The following ADAP1 variants were observed in gnomAD, a reference collection of about 807,000 sequenced individuals.
ADAP1 encodes arf-GAP with dual PH domain-containing protein 1.
In ADAP1, 31 loss-of-function variants were observed where a neutral mutation model predicts 54.9. That is an observed-to-expected ratio of 0.56 (90% CI 0.42 to 0.76). The LOEUF is 0.76. ADAP1 is among the 30% of genes least tolerant of loss of function. The pLI, the probability that ADAP1 is intolerant of heterozygous loss-of-function variation, is 0.00. For synonymous variants in ADAP1, 313 were observed against 202.6 expected (o/e 1.55, Z -4.63); for missense variants, 535 against 512.4 (o/e 1.04, Z -0.42).
intron 4 of ADAP1, among the ~76,000 whole-genome samples, chr7:912,203 G>A (rs1056403975): frequency 2.0e-5 from 3 of 152,192 alleles, no homozygotes; most frequent in Non-Finnish European, 2.9e-5. Context: ...CAGAAGCTCC[G>A]ACAGGAGCAC....
At chr7:901,156 T>C (rs909633221) in intron 6 of ADAP1, 8 of 399,420 alleles carry the variant, frequency 2.0e-5, no homozygotes, top group African/African-American at 1.5e-4. Flanking sequence ...CTGGAGAGCG[T>C]GGGGTGGGCC....
chr7:926,378 G>A lies in ADAP1; in HGVS notation c.305+175C>T, dbSNP rs764110620. ...GCCCCCCGCCCCAGAACCAAAGCCC[G>A]GTGGTGGCCAGCAGACACAGGCGGC... is the stretch of plus-strand genomic sequence containing the variant. On this transcript the variant is annotated intron_variant, in intron 3 of 10. Coordinates refer to ENST00000265846, the MANE Select transcript of ADAP1 (RefSeq NM_006869.4). The surrounding 1 kb of genome is among the most constrained non-coding windows in gnomAD (Gnocchi z 4.6). Among the ~76,000 whole-genome samples the A allele has an allele frequency of 2.1e-3, 168 of 79,696 alleles. No homozygotes were observed. Among genetic ancestry groups the A allele is most frequent in the East Asian group, 4.5e-3 (11 of 2,458 alleles). The allele number at this position is 79,696 out of a possible 152,430, so 52.3% of individuals were successfully genotyped here.
intron 2 of ADAP1, among the ~76,000 whole-genome samples, chr7:931,140 C>T (rs999186503): frequency 8.7e-5 from 13 of 149,700 alleles, no homozygotes; most frequent in African/African-American, 3.2e-4. Context: ...GAAAGGAAGA[C>T]AGGAGGGAAG....
At chr7:910,689 C>G (rs1845687288) in intron 4 of ADAP1, among the ~76,000 whole-genome samples, 1 of 152,242 alleles carries the variant, frequency 6.6e-6, no homozygotes, top group Admixed American at 6.5e-5. Flanking sequence ...CGTGGCCCTG[C>G]TCTGAGTGAC....
chr7:926,534 A>G lies in ADAP1; in HGVS notation c.305+19T>C. On this transcript the variant is annotated intron_variant, in intron 3 of 10. Coordinates refer to ENST00000265846, the MANE Select transcript of ADAP1 (RefSeq NM_006869.4). This position sits in a 1 kb window ranked among gnomAD's most constrained non-coding sequence, Gnocchi z 4.6. ...CCCAGCACTTGACCATGGCCCTGAC[A>G]AGGCCCCTTTGTACTCACTGGCAGT... The G allele has an allele frequency of 6.6e-7, 1 of 1,517,764 alleles. No homozygotes were observed. Among genetic ancestry groups the G allele is most frequent in the South Asian group, 1.2e-5 (1 of 80,996 alleles). The allele number at this position is 1,517,764 out of a possible 1,614,324, so 94.0% of individuals were successfully genotyped here.
rs1185098897 is a variant in ADAP1 at position 900,619 on chromosome 7, A to AGGGGCAAAGG, written c.649-13_649-4dup. Reference sequence around the variant, plus strand: ...GCATTGAACCAGTCCACAATCTCCTAGGGGCAAAGGTGGGCACAGGCTTGG... The same window carrying AGGGGCAAAGG: ...GCATTGAACCAGTCCACAATCTCCTAGGGGCAAAGGGGGGCAAAGGTGGGCACAGGCTTGG... On this transcript the variant is annotated splice_polypyrimidine_tract_variant and splice_region_variant and intron_variant, in intron 6 of 10. Transcript: ENST00000265846. 6.9e-7 allele frequency: 1 copy of AGGGGCAAAGG among 1,458,562 alleles called. No homozygotes were observed. The highest frequency in any genetic ancestry group is 9.2e-7 in the Non-Finnish European group (1 of 1,087,182). The allele number at this position is 1,458,562 out of a possible 1,614,324, so 90.4% of individuals were successfully genotyped here. A position where few individuals can be genotyped will look rare whatever the true frequency, so the allele number is the denominator to read the frequency against.
rs1845254281 is a variant in ADAP1 at position 905,914 on chromosome 7, A to AG, written c.389-743dup. 2.3e-3 allele frequency among the ~76,000 whole-genome samples: 8 copies of AG among 3,438 alleles called. 1 individual carries two copies. Among genetic ancestry groups the AG allele is most frequent in the Non-Finnish European group, 0.01 (7 of 674 alleles). The allele number at this position is 3,438 out of a possible 152,430, so 2.3% of individuals were successfully genotyped here. On this transcript the variant is annotated intron_variant, in intron 4 of 10. Coordinates refer to ENST00000265846, the MANE Select transcript of ADAP1 (RefSeq NM_006869.4). ...GAGAAAGGAGAAAGGAGAAAGGGAA[A>AG]GGAGAAAGGGAGAAAGGAGAAAGGG...
At chr7:922,030 A>C (rs1487916929) in intron 3 of ADAP1, among the ~76,000 whole-genome samples, 2 of 152,178 alleles carry the variant, frequency 1.3e-5, no homozygotes, top group East Asian at 3.9e-4. Context: ...GGGAGTGAGC[A>C]CCAGGAAGTC....
At chr7:930,934 A>T (rs1376355740) in intron 2 of ADAP1, among the ~76,000 whole-genome samples, 2 of 148,308 alleles carry the variant, frequency 1.3e-5, no homozygotes, top group African/African-American at 5.0e-5. Flanking sequence ...GAGCTATGAT[A>T]GTGCCACTGC....
Position 938,644 on chromosome 7 carries a change from A to G in ADAP1, c.83-3139T>C, listed in dbSNP as rs1846850854. Among the ~76,000 whole-genome samples the G allele has an allele frequency of 6.6e-6, 1 of 152,202 alleles. No individual in the cohort carries two copies. The highest frequency in any genetic ancestry group is 1.5e-5 in the Non-Finnish European group (1 of 68,040). The stretch of plus-strand genomic sequence containing the variant: ...GTACGTGGCTGTGCGAGGGGCGCCC[A>G]GAAGGCACGCCAGTCTCCGGGCCTC... On this transcript the variant is annotated intron_variant, in intron 1 of 10. Coordinates refer to ENST00000265846, the MANE Select transcript of ADAP1 (RefSeq NM_006869.4). The surrounding 1 kb of genome is among the most constrained non-coding windows in gnomAD (Gnocchi z 4.4).
At chr7:933,519 G>C (rs1350922326) in intron 2 of ADAP1, among the ~76,000 whole-genome samples, 7 of 95,050 alleles carry the variant, frequency 7.4e-5, no homozygotes, top group Admixed American at 3.9e-4. Context: ...TGGAGAGCCG[G>C]GGGCCGGGGG....
chr7:930,588 G>A (rs570116951), intron 2 of ADAP1, among the ~76,000 whole-genome samples: 1 of 151,750 alleles, frequency 6.6e-6, no homozygotes, highest in African/African-American at 2.4e-5. Flanking sequence ...GGAGGCCGAG[G>A]GGGATGGATC....
chr7:949,198 G>A (rs778214786), intron 1 of ADAP1, among the ~76,000 whole-genome samples: 20 of 152,236 alleles, frequency 1.3e-4, no homozygotes, highest in Admixed American at 2.6e-4. Flanking sequence ...CTTGCCCGCC[G>A]GAGTCCAGGG....
intron 1 of ADAP1, among the ~76,000 whole-genome samples, chr7:947,338 T>C (rs1847166413): frequency 6.6e-6 from 1 of 150,940 alleles, no homozygotes; most frequent in Admixed American, 6.7e-5. Flanking sequence ...ATCACAGGTG[T>C]GAGCCACCGC....
chr7:904,097 C>A (rs1291143981), intron 6 of ADAP1, 29 bp downstream of exon 6: 2 of 1,610,094 alleles, frequency 1.2e-6, no homozygotes, highest in African/African-American at 1.3e-5. Context: ...TCCTGTGCCA[C>A]CCGGGCCCGA....
At chr7:948,022 G>A (rs554307634) in intron 1 of ADAP1, among the ~76,000 whole-genome samples, 2 of 150,706 alleles carry the variant, frequency 1.3e-5, no homozygotes, top group South Asian at 2.1e-4. Flanking sequence ...CGGAGGGGCC[G>A]TCTCCCTCCT....
intron 4 of ADAP1, among the ~76,000 whole-genome samples, chr7:916,851 G>C (rs985146399): frequency 1.3e-5 from 2 of 151,966 alleles, no homozygotes; most frequent in African/African-American, 4.8e-5. Flanking sequence ...CTCAGGCCTG[G>C]GGCAGCCTCC....
intron 1 of ADAP1, among the ~76,000 whole-genome samples, chr7:954,169 G>A (rs1012642789): frequency 1.5e-4 from 23 of 150,678 alleles, no homozygotes; most frequent in Non-Finnish European, 2.7e-4. Flanking sequence ...CGGGGGTCCT[G>A]GGGGGGGCCC....
intron 2 of ADAP1, among the ~76,000 whole-genome samples, chr7:929,857 G>T (rs1361544231): frequency 6.6e-6 from 1 of 151,508 alleles, no homozygotes; most frequent in Non-Finnish European, 1.5e-5. Context: ...TAATCCCAGC[G>T]CTTGGGAGAC....
Sources: allele counts gnomAD v4.1 joint callset (sites outside exome capture counted in the v4.1 genomes callset), GRCh38; gene constraint gnomAD v4.1.1; non-coding constraint Gnocchi (gnomAD v3.1); transcripts MANE v1.5; gene names NCBI Gene and HGNC (gene_info 2026-07-23, HGNC 2026-07-21).